The following STAC variants were observed in gnomAD, a reference collection of about 807,000 sequenced individuals.
STAC encodes SH3 and cysteine-rich domain-containing protein.
A neutral mutation model predicts 48.8 loss-of-function variants in STAC; 43 were observed. The ratio of observed to expected loss-of-function variants is 0.88; its 90% CI spans 0.69 to 1.14. The LOEUF (loss-of-function observed/expected upper bound fraction) is 1.14. Ranked by LOEUF, STAC falls within the 50% of genes most tolerant of loss-of-function variation. The pLI is 0.00. For synonymous variants in STAC, 193 were observed against 179.5 expected, an observed-to-expected ratio of 1.07 and a Z score of -0.60; for missense variants, 497 against 504.0, an observed-to-expected ratio of 0.99 and a Z score of 0.13.
At chr3:36,471,161 T>C (rs577457128) in intron 2 of STAC, among the ~76,000 whole-genome samples, 1 of 152,116 alleles carries the variant, frequency 6.6e-6, no homozygotes, top group African/African-American at 2.4e-5. Flanking sequence ...AAAAGGCACT[T>C]CTTACATGGC....
chr3:36,529,052 AATATGT>A (rs1279684099), intron 10 of STAC, 67 bp downstream of exon 10: 4 of 1,451,460 alleles, frequency 2.8e-6, no homozygotes, highest in East Asian at 4.8e-5. Flanking sequence ...TAAACTTAAT[AATATGT>A]ATAAATCTGA....
intron 1 of STAC, among the ~76,000 whole-genome samples, chr3:36,395,970 C>T (rs1699850993): frequency 6.6e-6 from 1 of 151,776 alleles, no homozygotes; most frequent in Non-Finnish European, 1.5e-5. Context: ...AGTAGAAAGA[C>T]ATTGGATTAG....
At chr3:36,445,309 T>C (rs1405162597) in intron 2 of STAC, among the ~76,000 whole-genome samples, 1 of 152,064 alleles carries the variant, frequency 6.6e-6, no homozygotes, top group Non-Finnish European at 1.5e-5. Flanking sequence ...TTGTCAGAAA[T>C]AAATTTACAT....
chr3:36,418,453 T>G (rs1477775523), intron 1 of STAC, among the ~76,000 whole-genome samples: 2 of 152,182 alleles, frequency 1.3e-5, no homozygotes, highest in Non-Finnish European at 2.9e-5. Flanking sequence ...TATTAAATGA[T>G]TCCACAGTTC....
rs145242668 is a variant in STAC at position 36,470,553 on chromosome 3, G to A, written c.389-12439G>A. Among the ~76,000 whole-genome samples, 991 of 152,364 alleles carry A rather than the reference G, an allele frequency of 6.5e-3. 6 individuals carry two copies. The highest frequency in any genetic ancestry group is 0.041 in the Middle Eastern group (12 of 294). On this transcript the variant is annotated intron_variant, in intron 2 of 10. Transcript: ENST00000273183. ...TGTGTTGGTTGGCCTCCAGCCAGGAGGTGGCACCTTCAAGAGCACATCAGC... is the reference window on the plus strand; with the variant it reads ...TGTGTTGGTTGGCCTCCAGCCAGGAAGTGGCACCTTCAAGAGCACATCAGC...
chr3:36,442,138 G>A (rs895785653), intron 1 of STAC, among the ~76,000 whole-genome samples: 6 of 152,310 alleles, frequency 3.9e-5, no homozygotes, highest in African/African-American at 1.4e-4. Flanking sequence ...GATCATAAGA[G>A]AGACTGGTCC....
At chr3:36,390,757 A>G (rs538194607) in intron 1 of STAC, among the ~76,000 whole-genome samples, 2 of 151,986 alleles carry the variant, frequency 1.3e-5, no homozygotes, top group East Asian at 3.9e-4. Flanking sequence ...TTGTTTTTGT[A>G]TTTTTATGTA....
chr3:36,437,696 T>G (rs1397856221), intron 1 of STAC, among the ~76,000 whole-genome samples: 1 of 150,188 alleles, frequency 6.7e-6, no homozygotes, highest in Non-Finnish European at 1.5e-5. Context: ...GTTAATGGGT[T>G]CAGCACCCCA....
At chr3:36,543,371 G>A (rs1699373691) in intron 10 of STAC, among the ~76,000 whole-genome samples, 1 of 152,162 alleles carries the variant, frequency 6.6e-6, no homozygotes, top group Non-Finnish European at 1.5e-5. Flanking sequence ...GCTGAAGCCT[G>A]TGTTCAGCCA....
chr3:36,539,913 T>A (rs975765489), intron 10 of STAC, among the ~76,000 whole-genome samples: 2 of 152,180 alleles, frequency 1.3e-5, no homozygotes, highest in African/African-American at 4.8e-5. Context: ...AAACTTGGAA[T>A]ATGTTACTTT....
chr3:36,507,268 C>T (rs558809067), intron 8 of STAC, among the ~76,000 whole-genome samples: 1 of 152,278 alleles, frequency 6.6e-6, no homozygotes, highest in East Asian at 1.9e-4. Flanking sequence ...CCAGATGAAG[C>T]TGACTTGATC....
At chr3:36,500,671 T>G (rs891531829) in intron 6 of STAC, among the ~76,000 whole-genome samples, 2 of 152,192 alleles carry the variant, frequency 1.3e-5, no homozygotes, top group Non-Finnish European at 2.9e-5. Flanking sequence ...GCCAATTTCA[T>G]GAATTTCAAA....
chr3:36,397,284 G>A (rs1295051141), intron 1 of STAC, among the ~76,000 whole-genome samples: 1 of 152,092 alleles, frequency 6.6e-6, no homozygotes. Context: ...TGCTGGTACT[G>A]ACTTATTTAA....
At chr3:36,514,173 G>A (rs1698609829) in intron 8 of STAC, among the ~76,000 whole-genome samples, 1 of 138,862 alleles carries the variant, frequency 7.2e-6, no homozygotes. Flanking sequence ...CTCATCCATG[G>A]TGACCTCTCT....
intron 5 of STAC, among the ~76,000 whole-genome samples, chr3:36,488,271 T>C (rs1277793170): frequency 1.3e-5 from 2 of 152,198 alleles, no homozygotes; most frequent in Non-Finnish European, 2.9e-5. Context: ...AACAGTGTTT[T>C]CTTTGAACCT....
chr3:36,452,629 G>A (rs569159372), intron 2 of STAC, among the ~76,000 whole-genome samples: 1 of 152,188 alleles, frequency 6.6e-6, no homozygotes, highest in South Asian at 2.1e-4. Context: ...TGATACATAA[G>A]GCAAAATACC....
At chr3:36,501,887 T>C (rs1020234710) in intron 6 of STAC, among the ~76,000 whole-genome samples, 3 of 152,160 alleles carry the variant, frequency 2.0e-5, no homozygotes, top group Non-Finnish European at 4.4e-5. Flanking sequence ...GTCTTTCTCT[T>C]GAATACAGAT....
chr3:36,478,304 T>C (rs916543571), intron 2 of STAC, among the ~76,000 whole-genome samples: 3 of 152,230 alleles, frequency 2.0e-5, no homozygotes, highest in Non-Finnish European at 4.4e-5. Flanking sequence ...ATTGTGACTA[T>C]TGTTAACTTC....
At chr3:36,423,945 A>T (rs528834758) in intron 1 of STAC, among the ~76,000 whole-genome samples, 3 of 152,050 alleles carry the variant, frequency 2.0e-5, no homozygotes, top group Non-Finnish European at 4.4e-5. Context: ...ATGCTGCCCT[A>T]TATTTTAATT....
Sources: gnomAD v4.1 joint callset for allele counts (sites outside exome capture counted in the v4.1 genomes callset) on GRCh38, gnomAD v4.1.1 for gene constraint, MANE v1.5 for transcripts, NCBI Gene and HGNC (gene_info 2026-07-23, HGNC 2026-07-21) for gene names.